The following ANKS1B variants were observed in gnomAD, a reference collection of about 807,000 sequenced individuals.
The protein encoded by ANKS1B is ankyrin repeat and sterile alpha motif domain containing 1B.
A neutral mutation model predicts 148.3 loss-of-function variants in ANKS1B; 36 were observed. The ratio of observed to expected loss-of-function variants is 0.24; its 90% CI spans 0.19 to 0.32. The LOEUF (loss-of-function observed/expected upper bound fraction) is 0.32. Among genes scored for constraint, ANKS1B ranks in the 10% least tolerant of loss-of-function variants. The pLI is 1.00. For missense variants in ANKS1B, 1,157 were observed against 1,542.6 expected (o/e 0.75, Z 4.19); for synonymous variants, 542 against 560.8 (o/e 0.97, Z 0.47).
intron 19 of ANKS1B, among the ~76,000 whole-genome samples, chr12:98,828,685 C>G (rs1249337784): frequency 3.9e-5 from 6 of 152,188 alleles, no homozygotes. Context: ...TAGAAAGCAT[C>G]ATCATTTTCA....
At chr12:99,365,905 A>G (rs913758195) in intron 12 of ANKS1B, among the ~76,000 whole-genome samples, 2 of 152,228 alleles carry the variant, frequency 1.3e-5, no homozygotes, top group East Asian at 1.9e-4. Flanking sequence ...GTATAAAAAA[A>G]TAAGAAAAGA....
At chr12:99,785,160 G>A (rs1288227470) in intron 4 of ANKS1B, among the ~76,000 whole-genome samples, 1 of 151,520 alleles carries the variant, frequency 6.6e-6, no homozygotes, top group Non-Finnish European at 1.5e-5. Context: ...AGATTCCAAA[G>A]ATGAAGCTTT....
At chr12:99,411,067 G>A (rs2094687149) in intron 11 of ANKS1B, among the ~76,000 whole-genome samples, 1 of 152,194 alleles carries the variant, frequency 6.6e-6, no homozygotes, top group Admixed American at 6.5e-5. Context: ...GGAGCAGGTG[G>A]AAAAGAATTT....
chr12:99,220,901 C>T (rs1241297009), intron 14 of ANKS1B, among the ~76,000 whole-genome samples: 1 of 151,896 alleles, frequency 6.6e-6, no homozygotes, highest in Non-Finnish European at 1.5e-5. Flanking sequence ...ATAGAAAAAC[C>T]CAAACCATAA....
intron 1 of ANKS1B, among the ~76,000 whole-genome samples, chr12:99,850,963 T>C (rs1398591838): frequency 6.6e-6 from 1 of 152,110 alleles, no homozygotes; most frequent in Non-Finnish European, 1.5e-5. Flanking sequence ...TATTTTTTGT[T>C]TGACTTACCA....
chr12:98,940,322 G>A (rs1013742254), intron 17 of ANKS1B, among the ~76,000 whole-genome samples: 8 of 152,208 alleles, frequency 5.3e-5, no homozygotes, highest in Non-Finnish European at 7.3e-5. Flanking sequence ...ACAGGCACAC[G>A]AAAGGCACAG....
At chr12:98,878,820 A>G (rs2099698822) in intron 17 of ANKS1B, among the ~76,000 whole-genome samples, 1 of 152,240 alleles carries the variant, frequency 6.6e-6, no homozygotes, top group South Asian at 2.1e-4. Context: ...CCTTTGAGAG[A>G]TAATGGTTCA....
At position 98,847,166 on chromosome 12, in the gene ANKS1B, C is replaced by T. The variant is rs542637749; in HGVS notation, c.2779-15030G>A. ...CTCCTCTTCTGGCAAATTTTAAATA[C>T]ACAATACACTATTGTTAGTTACTGG... On this transcript the variant is annotated intron_variant, in intron 17 of 26. Transcript: ENST00000683438. Among the ~76,000 whole-genome samples, 14 of 152,242 alleles carry T rather than the reference C, an allele frequency of 9.2e-5. No individual in the cohort carries two copies. The South Asian group carries it at 2.9e-3, about 32-fold the overall frequency.
intron 22 of ANKS1B, 90 bp downstream of exon 22, chr12:98,798,844 G>T: frequency 9.1e-7 from 1 of 1,100,712 alleles, no homozygotes; most frequent in Non-Finnish European, 1.3e-6. Context: ...AACAGATGGA[G>T]AAAATAGTAA....
intron 8 of ANKS1B, among the ~76,000 whole-genome samples, chr12:99,742,468 T>A (rs2060211226): frequency 6.6e-6 from 1 of 152,076 alleles, no homozygotes; most frequent in African/African-American, 2.4e-5. Context: ...AGATGCAAAA[T>A]TTTTAAATCT....
chr12:99,150,538 G>A (rs941135969), intron 15 of ANKS1B, among the ~76,000 whole-genome samples: 3 of 152,082 alleles, frequency 2.0e-5, no homozygotes, highest in Non-Finnish European at 4.4e-5. Flanking sequence ...TGTCTGTCCA[G>A]GAGGAGCGGG....
intron 9 of ANKS1B, among the ~76,000 whole-genome samples, chr12:99,578,798 T>C (rs545034441): frequency 1.3e-3 from 193 of 152,232 alleles, no homozygotes; most frequent in Non-Finnish European, 2.3e-3. Flanking sequence ...GATTCAGTGA[T>C]ATTCCTGTGA....
intron 17 of ANKS1B, among the ~76,000 whole-genome samples, chr12:98,924,788 A>G (rs1392674644): frequency 6.6e-6 from 1 of 152,122 alleles, no homozygotes; most frequent in Non-Finnish European, 1.5e-5. Context: ...TAATCAATTC[A>G]CTAAATAGTC....
At chr12:99,561,730 T>A (rs985864932) in intron 9 of ANKS1B, among the ~76,000 whole-genome samples, 2 of 152,190 alleles carry the variant, frequency 1.3e-5, no homozygotes, top group African/African-American at 4.8e-5. Context: ...TTCTACCACA[T>A]CTTCAGTTCC....
chr12:98,937,341 G>A (rs17028908), intron 17 of ANKS1B, among the ~76,000 whole-genome samples: 9,618 of 151,714 alleles, frequency 0.063, 647 homozygotes, highest in South Asian at 0.25. Flanking sequence ...TAAAAATGTC[G>A]AGGGCCTGGT....
At chr12:98,781,249 G>A (rs1221134038) in intron 23 of ANKS1B, 46 bp from the exon 24 acceptor site, 1 of 1,186,758 alleles carries the variant, frequency 8.4e-7, no homozygotes, top group Admixed American at 2.0e-5. Flanking sequence ...GTGTTGCGTG[G>A]CAACTGAAGC....
intron 17 of ANKS1B, among the ~76,000 whole-genome samples, chr12:98,945,505 C>CAAAAAAAAA (rs3051086): frequency 0.012 from 348 of 30,224 alleles, 16 homozygotes; most frequent in African/African-American, 0.03. Flanking sequence ...AACAAACAAA[C>CAAAAAAAAA]AAAAAAAAAA....
chr12:99,198,474 G>A (rs924047642), intron 14 of ANKS1B, among the ~76,000 whole-genome samples: 2 of 152,162 alleles, frequency 1.3e-5, no homozygotes, highest in African/African-American at 2.4e-5. Context: ...GGAAATCAAC[G>A]AGTAGTAGGT....
At chr12:98,773,769 A>G (rs2098633697) in intron 24 of ANKS1B, among the ~76,000 whole-genome samples, 1 of 152,202 alleles carries the variant, frequency 6.6e-6, no homozygotes, top group African/African-American at 2.4e-5. Flanking sequence ...ACTTTAAAAA[A>G]TAATAGTAAT....
Sources: allele counts gnomAD v4.1 joint callset (sites outside exome capture counted in the v4.1 genomes callset), GRCh38; gene constraint gnomAD v4.1.1; transcripts MANE v1.5; gene names NCBI Gene and HGNC (gene_info 2026-07-23, HGNC 2026-07-21).